The following BANP variants were observed in gnomAD, a reference collection of about 807,000 sequenced individuals.
BANP encodes protein BANP.
In BANP, 11 loss-of-function variants were observed where a neutral mutation model predicts 68.1. That is an observed-to-expected ratio of 0.16 (90% CI 0.10 to 0.27). The LOEUF is 0.27. Among genes scored for constraint, BANP ranks in the 10% least tolerant of loss-of-function variants. The pLI is 1.00. For synonymous variants in BANP, 329 were observed against 303.2 expected (o/e 1.09, Z -0.88); for missense variants, 504 against 722.7 (o/e 0.70, Z 3.47).
chr16:88,034,982 C>T (rs1017050851), intron 9 of BANP: 6 of 249,384 alleles, frequency 2.4e-5, no homozygotes, highest in Admixed American at 5.3e-5. Context: ...CTGTCCAGCC[C>T]GGGACGTGAG....
intron 1 of BANP, among the ~76,000 whole-genome samples, chr16:87,954,754 A>G (rs905315967): frequency 1.3e-5 from 2 of 152,216 alleles, no homozygotes; most frequent in Non-Finnish European, 1.5e-5. Context: ...GGTCCTCTGC[A>G]TCTGTCAGGA....
At chr16:87,993,521 G>C (rs1457837498) in intron 4 of BANP, among the ~76,000 whole-genome samples, 3 of 152,010 alleles carry the variant, frequency 2.0e-5, no homozygotes, top group African/African-American at 7.2e-5. Context: ...TTGGCAGCTC[G>C]TCAGTTGGCT....
intron 11 of BANP, among the ~76,000 whole-genome samples, chr16:88,053,033 C>G (rs1031654976): frequency 6.6e-6 from 1 of 151,734 alleles, no homozygotes; most frequent in Non-Finnish European, 1.5e-5. Flanking sequence ...GTCACCCTAA[C>G]AAACACTACC....
chr16:88,041,012 C>T (rs1264458471), intron 11 of BANP, among the ~76,000 whole-genome samples: 4 of 152,254 alleles, frequency 2.6e-5, no homozygotes, highest in African/African-American at 7.2e-5. Flanking sequence ...GGCCTTCCCT[C>T]TTCCGGCCAT....
chr16:87,973,646 C>G (rs897143253), intron 1 of BANP, among the ~76,000 whole-genome samples: 2 of 151,052 alleles, frequency 1.3e-5, no homozygotes, highest in African/African-American at 4.9e-5. Flanking sequence ...GTAATCCCAG[C>G]TACTCAGGAA....
chr16:87,953,881 T>C (rs1176903560), intron 1 of BANP, among the ~76,000 whole-genome samples: 1 of 152,234 alleles, frequency 6.6e-6, no homozygotes, highest in East Asian at 1.9e-4. Flanking sequence ...ATCTTGGCTC[T>C]GTTCGTTTCC....
In BANP at chr16:87,993,456, G is replaced by T. The variant is rs1234745617; in HGVS notation, c.362+9197G>T. ...TCATGGAGATGTATTTTACACTCTG[G>T]GTTAGAATCTAGTTCTGCTTCATTC... On this transcript the variant is annotated intron_variant, in intron 4 of 13. Transcript: ENST00000682872. Among the ~76,000 whole-genome samples, 3 of 152,170 alleles carry T rather than the reference G, an allele frequency of 2.0e-5. No individual in the cohort carries two copies. In the East Asian group the frequency reaches 5.8e-4, roughly 29 times the overall value.
rs2058289771 is a variant in BANP, at chr16:87,957,380, T to G, written c.-69+5865T>G. Among the ~76,000 whole-genome samples the G allele has an allele frequency of 6.6e-6, 1 of 152,056 alleles. No homozygotes were observed. The stretch of plus-strand genomic sequence containing the variant: ...GGCTGGGCAGAATGGATCGGGGGTG[T>G]GTATTGGCTGCAGTCACCTCCCCTC... On this transcript the variant is annotated intron_variant, in intron 1 of 13. Transcript: ENST00000682872. This position sits in a 1 kb window ranked among gnomAD's most constrained non-coding sequence, Gnocchi z 4.3.
chr16:87,971,160 GT>G (rs1000457700), intron 1 of BANP, among the ~76,000 whole-genome samples: 19 of 152,158 alleles, frequency 1.2e-4, no homozygotes, highest in Admixed American at 2.6e-4. Flanking sequence ...TGTAACATTG[GT>G]TTTTGTTTTT....
chr16:88,043,088 C>G (rs936686778), intron 11 of BANP, among the ~76,000 whole-genome samples: 1 of 152,204 alleles, frequency 6.6e-6, no homozygotes, highest in South Asian at 2.1e-4. Flanking sequence ...CAGTCTCGGG[C>G]TTTGTAGAGC....
At chr16:87,950,011 G>A (rs2056658474), upstream of BANP, among the ~76,000 whole-genome samples, 1 of 151,874 alleles carries the variant, frequency 6.6e-6, no homozygotes, top group African/African-American at 2.4e-5. Context: ...CCGAGTAGCT[G>A]GGACTACAGG....
rs948657206 is a variant in BANP, at chr16:88,006,346, T to C, written c.655+81T>C. 4.0e-6 allele frequency: 6 copies of C among 1,492,322 alleles called. No homozygotes were observed. The African/African-American group carries it at 8.4e-5, about 21-fold the overall frequency. The allele number at this position is 1,492,322 out of a possible 1,614,324, so 92.4% of individuals were successfully genotyped here. On this transcript the variant is annotated intron_variant, in intron 6 of 13. Transcript: ENST00000682872. Reference sequence around the variant, plus strand: ...TTGCCTTTTAGAAATTTTGTTGTTTTTTAAAGAAGTGATACAGTGGCCAGG... The same window carrying C: ...TTGCCTTTTAGAAATTTTGTTGTTTCTTAAAGAAGTGATACAGTGGCCAGG...
intron 1 of BANP, among the ~76,000 whole-genome samples, chr16:87,955,173 A>G (rs1294482894): frequency 6.6e-6 from 1 of 152,144 alleles, no homozygotes; most frequent in African/African-American, 2.4e-5. Flanking sequence ...TGGGAGCATG[A>G]TCTTTCTGCA....
In BANP at chr16:88,012,892, T is replaced by TGAATA. The variant is rs1250393216; in HGVS notation, c.656-5536_656-5535insGAATA. On this transcript the variant is annotated intron_variant, in intron 6 of 13. Coordinates refer to ENST00000682872, the MANE Select transcript of BANP (RefSeq NM_001386991.1). ...ATAACTATTCACTGTGGTCTGACAG[T>TGAATA]ACAAATTCCAGGCTGGGATTTTTAA... Among the ~76,000 whole-genome samples the TGAATA allele has an allele frequency of 1.2e-3, 186 of 152,332 alleles. 1 individual carries two copies. The highest frequency in any genetic ancestry group is 4.4e-3 in the African/African-American group (184 of 41,570).
chr16:88,077,060 G>T lies in BANP; in HGVS notation c.*399G>T. ...GCAGGAGCCCTTTGCTGTGTGCTCT[G>T]TCCAGTGTCATGAGACGGGAGCCCT... On this transcript the variant is annotated 3_prime_UTR_variant, in exon 14 of 14. Transcript: ENST00000682872. The T allele has an allele frequency of 4.5e-6, 1 of 223,560 alleles. No homozygotes were observed. The highest frequency in any genetic ancestry group is 9.1e-6 in the Non-Finnish European group (1 of 109,792). The allele number at this position is 223,560 out of a possible 1,614,324, so 13.8% of individuals were successfully genotyped here.
chr16:87,977,572 T>A (rs1485548232), intron 2 of BANP, among the ~76,000 whole-genome samples: 2 of 152,226 alleles, frequency 1.3e-5, no homozygotes, highest in African/African-American at 4.8e-5. Context: ...GTACTTTCCT[T>A]GTCTTGAACG....
At chr16:87,950,301 G>C (rs1395505125), upstream of BANP, 3 of 152,212 alleles carry the variant, frequency 2.0e-5, no homozygotes, top group Non-Finnish European at 4.4e-5. Context: ...TGAAAGGCAA[G>C]GTAATCCTAG....
At chr16:87,965,606 C>T (rs1210835575) in intron 1 of BANP, among the ~76,000 whole-genome samples, 2 of 72,820 alleles carry the variant, frequency 2.7e-5, no homozygotes, top group African/African-American at 1.3e-4. Flanking sequence ...GTTCGCATGG[C>T]TGGGCGGGGC....
In BANP at chr16:88,066,055, G is replaced by A. The variant is rs118114679; in HGVS notation, c.1377+723G>A. ...GGATAGCGTCCGAGCAGCCTCTGTC[G>A]TCCCACTACTGCGGCAGGTGCAGGG... is the stretch of plus-strand genomic sequence containing the variant. On this transcript the variant is annotated intron_variant, in intron 12 of 13. Transcript: ENST00000682872. 1.8e-3 allele frequency among the ~76,000 whole-genome samples: 268 copies of A among 152,318 alleles called. 3 individuals are homozygous for A. The highest frequency in any genetic ancestry group is 9.9e-3 in the East Asian group (51 of 5,172).
Sources: allele counts gnomAD v4.1 joint callset (sites outside exome capture counted in the v4.1 genomes callset), GRCh38; gene constraint gnomAD v4.1.1; non-coding constraint Gnocchi (gnomAD v3.1); transcripts MANE v1.5; gene names NCBI Gene and HGNC (gene_info 2026-07-23, HGNC 2026-07-21).